The following DCC variants were observed in gnomAD, a reference collection of about 807,000 sequenced individuals.
DCC encodes netrin receptor DCC.
DCC carries 58 observed loss-of-function variants against 172.5 expected under a neutral mutation model. The ratio of observed to expected loss-of-function variants is 0.34; its 90% confidence interval spans 0.27 to 0.42. The LOEUF (loss-of-function observed/expected upper bound fraction) is 0.42, where lower values mean the gene tolerates loss of function less well. DCC is among the 10% of genes least tolerant of loss of function. The pLI is 1.00. For synonymous variants in DCC, 709 were observed against 644.5 expected, an observed-to-expected ratio of 1.10 and a Z score of -1.52; for missense variants, 1,740 against 1,791.0, an observed-to-expected ratio of 0.97 and a Z score of 0.51.
intron 1 of DCC, among the ~76,000 whole-genome samples, chr18:52,522,953 C>T (rs913263996): frequency 2.0e-5 from 3 of 152,160 alleles, no homozygotes; most frequent in Non-Finnish European, 4.4e-5. Flanking sequence ...CTATAGAAAG[C>T]ATGTGATAGT....
intron 3 of DCC, among the ~76,000 whole-genome samples, chr18:52,923,458 T>A (rs953121362): frequency 6.6e-6 from 1 of 152,108 alleles, no homozygotes; most frequent in Non-Finnish European, 1.5e-5. Flanking sequence ...TGCTTACTTA[T>A]GGGTAGCCTC....
chr18:52,905,650 T>C (rs1011633681), intron 2 of DCC, among the ~76,000 whole-genome samples: 2 of 152,208 alleles, frequency 1.3e-5, no homozygotes, highest in African/African-American at 4.8e-5. Flanking sequence ...ATTCTGTCCA[T>C]AGGACCAGGA....
At chr18:52,645,092 A>G (rs1045275296) in intron 1 of DCC, among the ~76,000 whole-genome samples, 2 of 152,036 alleles carry the variant, frequency 1.3e-5, no homozygotes, top group Admixed American at 1.3e-4. Context: ...TTGCATTTAC[A>G]TTGAGTTTTC....
At chr18:52,563,207 CTACA>C (rs757853964) in intron 1 of DCC, among the ~76,000 whole-genome samples, 82 of 152,218 alleles carry the variant, frequency 5.4e-4, no homozygotes, top group Non-Finnish European at 9.6e-4. Flanking sequence ...ATAATCAAAG[CTACA>C]TGTAAATATT....
chr18:52,743,782 ACTCCACAT>A (rs1354550712), intron 1 of DCC, among the ~76,000 whole-genome samples: 1 of 152,168 alleles, frequency 6.6e-6, no homozygotes, highest in Non-Finnish European at 1.5e-5. Context: ...TGCTTTGTGA[ACTCCACAT>A]CTTACCTTTA....
At position 53,091,873 on chromosome 18, in the gene DCC, A is replaced by C. The variant is rs1037141469; in HGVS notation, c.1261+25707A>C. 6.0e-5 allele frequency among the ~76,000 whole-genome samples: 9 copies of C among 149,004 alleles called. 1 individual carries two copies. The South Asian group carries it at 1.5e-3, about 24-fold the overall frequency. On this transcript the variant is annotated intron_variant, in intron 7 of 28. Coordinates refer to ENST00000442544, the MANE Select transcript of DCC (RefSeq NM_005215.4). ...TATCAATCTATCTATATATATATATATATCTACATAAATATGTCTTTAAAT... is the reference window on the plus strand; with the variant it reads ...TATCAATCTATCTATATATATATATCTATCTACATAAATATGTCTTTAAAT...
At chr18:52,676,540 G>A (rs1377071158) in intron 1 of DCC, among the ~76,000 whole-genome samples, 1 of 152,154 alleles carries the variant, frequency 6.6e-6, no homozygotes, top group African/African-American at 2.4e-5. Flanking sequence ...AAGATATGAG[G>A]TTATTTTACT....
intron 1 of DCC, among the ~76,000 whole-genome samples, chr18:52,425,767 T>C (rs1267311449): frequency 6.6e-6 from 1 of 152,070 alleles, no homozygotes; most frequent in East Asian, 1.9e-4. Flanking sequence ...GCAAACTGAG[T>C]TTAAATTCCA....
At chr18:53,396,015 C>T (rs557655284) in intron 17 of DCC, among the ~76,000 whole-genome samples, 9 of 151,696 alleles carry the variant, frequency 5.9e-5, no homozygotes, top group East Asian at 5.8e-4. Context: ...GGCAAATCAC[C>T]GAAATGTTAT....
At chr18:53,053,475 A>G (rs561716241) in intron 5 of DCC, among the ~76,000 whole-genome samples, 2 of 152,268 alleles carry the variant, frequency 1.3e-5, no homozygotes, top group East Asian at 1.9e-4. Context: ...GAATTAAGAG[A>G]GGGAAATTCA....
rs559743733 is a variant in DCC at position 52,810,486 on chromosome 18, G to C, written c.412+58112G>C. Among the ~76,000 whole-genome samples, 4 of 152,306 alleles carry C rather than the reference G, an allele frequency of 2.6e-5. No individual in the cohort carries two copies. In the South Asian group the frequency reaches 8.3e-4, roughly 32 times the overall value. The stretch of plus-strand genomic sequence containing the variant: ...ATAAGGATGTGCTGTATATTGAACG[G>C]TGAGGAGGGCAAAGAAGAATTTTAG... On this transcript the variant is annotated intron_variant, in intron 2 of 28. Transcript: ENST00000442544.
intron 12 of DCC, among the ~76,000 whole-genome samples, chr18:53,216,411 C>G (rs1375513234): frequency 6.6e-6 from 1 of 152,154 alleles, no homozygotes; most frequent in African/African-American, 2.4e-5. Flanking sequence ...TGATACAGGT[C>G]TTAGAAAAAG....
chr18:52,836,135 C>T (rs1431902431), intron 2 of DCC, among the ~76,000 whole-genome samples: 1 of 152,144 alleles, frequency 6.6e-6, no homozygotes, highest in Non-Finnish European at 1.5e-5. Context: ...TGTGCACTAT[C>T]ATGAGAACAG....
chr18:52,865,240 T>C (rs539110621), intron 2 of DCC, among the ~76,000 whole-genome samples: 2 of 152,290 alleles, frequency 1.3e-5, no homozygotes, highest in South Asian at 4.1e-4. Context: ...AGTCTATCAT[T>C]GATGGGCATT....
chr18:52,684,583 G>A (rs1720748161), intron 1 of DCC, among the ~76,000 whole-genome samples: 1 of 152,014 alleles, frequency 6.6e-6, no homozygotes, highest in African/African-American at 2.4e-5. Flanking sequence ...AAAAGTCTCT[G>A]ACATTTTGCA....
chr18:52,669,606 T>C (rs763052736), intron 1 of DCC, among the ~76,000 whole-genome samples: 6 of 152,210 alleles, frequency 3.9e-5, no homozygotes, highest in South Asian at 2.1e-4. Flanking sequence ...TCATCTGTCT[T>C]TTGCTGCCCT....
At chr18:53,214,951 A>T (rs1294082616) in intron 11 of DCC, among the ~76,000 whole-genome samples, 1 of 152,192 alleles carries the variant, frequency 6.6e-6, no homozygotes, top group African/African-American at 2.4e-5. Context: ...TACAAAGAAA[A>T]ATATACTGCT....
chr18:52,919,280 CA>C (rs1198765918), intron 3 of DCC, among the ~76,000 whole-genome samples: 1 of 152,178 alleles, frequency 6.6e-6, no homozygotes, highest in African/African-American at 2.4e-5. Context: ...TTATTTACAA[CA>C]AGAGTAAAAG....
chr18:52,515,684 A>C (rs1231893), intron 1 of DCC, among the ~76,000 whole-genome samples: 43,371 of 145,622 alleles, frequency 0.3, 6,756 homozygotes, highest in Middle Eastern at 0.33. Context: ...CTCCAAGATC[A>C]AGGGCTAAGC....
Sources: gnomAD v4.1 joint callset for allele counts (sites outside exome capture counted in the v4.1 genomes callset) on GRCh38, gnomAD v4.1.1 for gene constraint, MANE v1.5 for transcripts, NCBI Gene and HGNC (gene_info 2026-07-23, HGNC 2026-07-21) for gene names.